Variants in RNLS observed in about 807,000 individuals in gnomAD.
The protein encoded by RNLS is renalase.
RNLS carries 39 observed loss-of-function variants against 39.8 expected under a neutral mutation model. The observed-to-expected ratio is 0.98, with a 90% CI of 0.76 to 1.28. The LOEUF (loss-of-function observed/expected upper bound fraction) is 1.28, where lower values mean the gene tolerates loss of function less well. RNLS is among the 50% of genes most tolerant of loss of function. RNLS has a pLI of 0.00. For synonymous variants in RNLS, 147 were observed against 150.7 expected (o/e 0.98, Z 0.18); for missense variants, 410 against 413.3 (o/e 0.99, Z 0.07).
intron 6 of RNLS, among the ~76,000 whole-genome samples, chr10:88,313,287 T>C (rs113959180): frequency 1.4e-3 from 212 of 152,342 alleles, no homozygotes; most frequent in Non-Finnish European, 2.2e-3. Flanking sequence ...TAAAGAAGTA[T>C]TTATAAATCA....
chr10:88,561,999 T>G (rs1849219189), intron 4 of RNLS, among the ~76,000 whole-genome samples: 1 of 152,196 alleles, frequency 6.6e-6, no homozygotes, highest in African/African-American at 2.4e-5. Flanking sequence ...TTTTTACTTA[T>G]CACTTTGGCA....
chr10:88,474,877 G>C (rs1843724260), intron 4 of RNLS, among the ~76,000 whole-genome samples: 1 of 152,152 alleles, frequency 6.6e-6, no homozygotes, highest in Non-Finnish European at 1.5e-5. Context: ...ATTAAGGCCA[G>C]ACTCCTGAGA....
chr10:88,346,623 G>C (rs1461518226), intron 5 of RNLS, among the ~76,000 whole-genome samples: 2 of 152,136 alleles, frequency 1.3e-5, no homozygotes, highest in African/African-American at 2.4e-5. Context: ...CTAAGTGGGT[G>C]ACCAGTGCTG....
In RNLS at chr10:88,408,287, C is replaced by A. The variant is rs191725510; in HGVS notation, c.527-45562G>T. On this transcript the variant is annotated intron_variant, in intron 4 of 6. Transcript: ENST00000331772. The stretch of plus-strand genomic sequence containing the variant: ...ATAAGCATTATGCAATGAGATGAAA[C>A]TTCTCCCTTTCCACATTTTAGACAC... Among the ~76,000 whole-genome samples the A allele has an allele frequency of 2.6e-5, 4 of 152,014 alleles. No individual in the cohort carries two copies. The South Asian group carries it at 6.2e-4, about 24-fold the overall frequency.
intron 4 of RNLS, among the ~76,000 whole-genome samples, chr10:88,480,557 G>A (rs1381956392): frequency 6.6e-6 from 1 of 152,208 alleles, no homozygotes; most frequent in East Asian, 1.9e-4. Flanking sequence ...AAGTAGCTGG[G>A]ATTACAGGCA....
chr10:88,288,755 C>T (rs537355412), intron 6 of RNLS, among the ~76,000 whole-genome samples: 4 of 152,268 alleles, frequency 2.6e-5, no homozygotes, highest in African/African-American at 7.2e-5. Flanking sequence ...ACTGATTAGC[C>T]AGTCGGCAGT....
intron 4 of RNLS, among the ~76,000 whole-genome samples, chr10:88,447,796 G>C (rs2133880489): frequency 6.6e-6 from 1 of 152,232 alleles, no homozygotes; most frequent in East Asian, 1.9e-4. Flanking sequence ...CAGGGTACTG[G>C]TACCAAAACA....
intron 6 of RNLS, among the ~76,000 whole-genome samples, chr10:88,289,335 G>A (rs368119219): frequency 6.6e-6 from 1 of 151,912 alleles, no homozygotes; most frequent in Non-Finnish European, 1.5e-5. Context: ...CACTTCTCTC[G>A]CCTTTGTCCT....
chr10:88,518,266 A>G (rs1846518724), intron 4 of RNLS, among the ~76,000 whole-genome samples: 1 of 151,946 alleles, frequency 6.6e-6, no homozygotes, highest in Non-Finnish European at 1.5e-5. Context: ...ATGCATATGT[A>G]TAATGTAACC....
intron 5 of RNLS, among the ~76,000 whole-genome samples, chr10:88,344,218 G>T (rs986144777): frequency 1.2e-4 from 19 of 152,160 alleles, no homozygotes; most frequent in African/African-American, 4.6e-4. Flanking sequence ...CTGCTCAAAT[G>T]AGCAAAATAC....
chr10:88,312,593 G>T (rs1033743211), intron 6 of RNLS, among the ~76,000 whole-genome samples: 1 of 152,138 alleles, frequency 6.6e-6, no homozygotes, highest in East Asian at 1.9e-4. Flanking sequence ...TAGCTGTGGG[G>T]ATTGAAGGAA....
At chr10:88,481,125 T>G (rs986392743) in intron 4 of RNLS, among the ~76,000 whole-genome samples, 10 of 152,198 alleles carry the variant, frequency 6.6e-5, no homozygotes, top group Admixed American at 1.3e-4. Flanking sequence ...GGTAACAGTA[T>G]AGCCACTACA....
chr10:88,256,970 C>T, the RNLS span, among the ~76,000 whole-genome samples: 2 of 151,820 alleles, frequency 1.3e-5, no homozygotes, highest in African/African-American at 2.4e-5. Flanking sequence ...AAGACTCAGA[C>T]TAAAATGGAT....
At chr10:88,198,294 G>T in the RNLS span, among the ~76,000 whole-genome samples, 69 of 152,330 alleles carry the variant, frequency 4.5e-4, no homozygotes, top group South Asian at 1.4e-3. Context: ...TTTCAGAGGT[G>T]GAGAGAGGCA....
intron 4 of RNLS, among the ~76,000 whole-genome samples, chr10:88,548,311 T>G (rs544606730): frequency 6.5e-4 from 49 of 75,324 alleles, no homozygotes; most frequent in Middle Eastern, 6.9e-3. Flanking sequence ...AAAAAGAAAA[T>G]AAAATTAAAT....
At chr10:88,286,793 G>GA (rs1843304656) in intron 6 of RNLS, among the ~76,000 whole-genome samples, 1 of 148,648 alleles carries the variant, frequency 6.7e-6, no homozygotes, top group South Asian at 2.1e-4. Context: ...TTCCCTTACA[G>GA]TTTTTTTTTT....
the RNLS span, among the ~76,000 whole-genome samples, chr10:88,219,134 AG>A: frequency 7.2e-5 from 11 of 152,210 alleles, no homozygotes; most frequent in African/African-American, 2.7e-4. Context: ...TATCTCCAAG[AG>A]GGATGACCAC....
intron 4 of RNLS, among the ~76,000 whole-genome samples, chr10:88,471,659 G>A (rs1052015004): frequency 6.6e-5 from 10 of 152,284 alleles, no homozygotes; most frequent in South Asian, 2.1e-4. Flanking sequence ...ACAGGGTATC[G>A]TTTACTATAG....
the RNLS span, among the ~76,000 whole-genome samples, chr10:88,250,282 G>A: frequency 6.6e-6 from 1 of 152,188 alleles, no homozygotes; most frequent in African/African-American, 2.4e-5. Context: ...TTGAGCAAAT[G>A]AATGCATATT....
Sources: allele counts gnomAD v4.1 joint callset (sites outside exome capture counted in the v4.1 genomes callset), GRCh38; gene constraint gnomAD v4.1.1; transcripts MANE v1.5; gene names NCBI Gene and HGNC (gene_info 2026-07-23, HGNC 2026-07-21).